The following ADAMTS16 variants were observed in gnomAD, a reference collection of about 807,000 sequenced individuals.
ADAMTS16 encodes the protein ADAM metallopeptidase with thrombospondin type 1 motif 16, also known as A disintegrin and metalloproteinase with thrombospondin motifs 16.
In ADAMTS16, 94 loss-of-function variants were observed where a neutral mutation model predicts 145.8. The ratio of observed to expected loss-of-function variants is 0.64; its 90% CI spans 0.55 to 0.77. The LOEUF is 0.77. Among genes scored for constraint, ADAMTS16 ranks in the 30% least tolerant of loss-of-function variants. ADAMTS16 has a pLI of 0.00. For missense variants in ADAMTS16, 1,585 were observed against 1,591.5 expected (o/e 1.00, Z 0.07); for synonymous variants, 659 against 604.3 (o/e 1.09, Z -1.33).
At chr5:5,242,423 T>A (rs77171979) in intron 17 of ADAMTS16, among the ~76,000 whole-genome samples, 4,307 of 152,308 alleles carry the variant, frequency 0.028, 200 homozygotes, top group East Asian at 0.21. Flanking sequence ...GTAGATGCAT[T>A]GCTTCCTACT....
At chr5:5,190,654 G>A (rs1413901864) in intron 7 of ADAMTS16, among the ~76,000 whole-genome samples, 4 of 152,106 alleles carry the variant, frequency 2.6e-5, no homozygotes, top group Non-Finnish European at 4.4e-5. Context: ...CCAGGATTCC[G>A]CTGAACATGT....
intron 3 of ADAMTS16, among the ~76,000 whole-genome samples, chr5:5,159,972 A>G (rs769750394): frequency 6.6e-6 from 1 of 152,204 alleles, no homozygotes; most frequent in Non-Finnish European, 1.5e-5. Context: ...CTAACTGAAG[A>G]TGGGGGAGTT....
chr5:5,282,945 G>T (rs1413735653), intron 18 of ADAMTS16, among the ~76,000 whole-genome samples: 1 of 151,214 alleles, frequency 6.6e-6, no homozygotes, highest in Non-Finnish European at 1.5e-5. Context: ...ATTAATATCG[G>T]AAATAAAATT....
rs36091985 is a variant in ADAMTS16 at position 5,214,856 on chromosome 5, AT to A, written c.1605+5618del. Among the ~76,000 whole-genome samples, 498 of 152,112 alleles carry A rather than the reference AT, an allele frequency of 3.3e-3. 1 individual carries two copies. The highest frequency in any genetic ancestry group is 0.027 in the Middle Eastern group (8 of 294). On this transcript the variant is annotated intron_variant, in intron 10 of 22. Coordinates refer to ENST00000274181, the MANE Select transcript of ADAMTS16 (RefSeq NM_139056.4). ...CAGAACAATTTAAACTATAAAACTT[AT>A]TTTTTTTAATGAACACCTGCTCAAT... is the stretch of plus-strand genomic sequence containing the variant.
chr5:5,267,761 C>T (rs537196454), intron 18 of ADAMTS16, among the ~76,000 whole-genome samples: 13 of 152,296 alleles, frequency 8.5e-5, no homozygotes, highest in African/African-American at 1.4e-4. Flanking sequence ...CATTTGGCCA[C>T]GAAAACAGAA....
chr5:5,211,989 A>C (rs1464713231), intron 10 of ADAMTS16, among the ~76,000 whole-genome samples: 1 of 152,042 alleles, frequency 6.6e-6, no homozygotes, highest in Non-Finnish European at 1.5e-5. Context: ...TTCTGTGGAG[A>C]CTTGACATGA....
chr5:5,218,895 G>T lies in ADAMTS16; in HGVS notation c.1606-3894G>T, dbSNP rs78039512. On this transcript the variant is annotated intron_variant, in intron 10 of 22. Coordinates refer to ENST00000274181, the MANE Select transcript of ADAMTS16 (RefSeq NM_139056.4). Reference sequence around the variant, plus strand: ...ATCTTTCCACCGTCACTGGTCTGCCGGTCTGCTGGTGTCTGCTGGTCTGTT... The same window carrying T: ...ATCTTTCCACCGTCACTGGTCTGCCTGTCTGCTGGTGTCTGCTGGTCTGTT... Among the ~76,000 whole-genome samples, 1,261 of 152,240 alleles carry T rather than the reference G, an allele frequency of 8.3e-3. 14 individuals carry two copies. Among genetic ancestry groups the T allele is most frequent in the African/African-American group, 0.027 (1,142 of 41,532 alleles).
At chr5:5,287,714 A>C (rs532794258) in intron 18 of ADAMTS16, among the ~76,000 whole-genome samples, 1 of 152,182 alleles carries the variant, frequency 6.6e-6, no homozygotes, top group Non-Finnish European at 1.5e-5. Context: ...GATTTGTGTA[A>C]AATATGGATT....
rs918356781 is a variant in ADAMTS16 at position 5,319,717 on chromosome 5, C to T, written c.*579C>T. ...CTTACCAGGAACCTGGAGCCACCGC[C>T]GGAGCCAGCGTCATCTCTAGGGTCA... On this transcript the variant is annotated 3_prime_UTR_variant, in exon 23 of 23. Coordinates refer to ENST00000274181, the MANE Select transcript of ADAMTS16 (RefSeq NM_139056.4). The T allele has an allele frequency of 9.7e-5, 35 of 362,556 alleles. No homozygotes were observed. In the Admixed American group the frequency reaches 1.1e-3, roughly 12 times the overall value. The allele number at this position is 362,556 out of a possible 1,614,324, so 22.5% of individuals were successfully genotyped here.
Position 5,206,736 on chromosome 5 carries a change from C to A in ADAMTS16, c.1452-2357C>A, listed in dbSNP as rs188993893. ...ACCTCAACTGATCCACCTTCCTCAGCCTCCCTAAGTGCTGGGATTACAGGT... is the reference window on the plus strand; with the variant it reads ...ACCTCAACTGATCCACCTTCCTCAGACTCCCTAAGTGCTGGGATTACAGGT... On this transcript the variant is annotated intron_variant, in intron 9 of 22. Transcript: ENST00000274181. 1.7e-3 allele frequency among the ~76,000 whole-genome samples: 255 copies of A among 152,210 alleles called. 1 individual carries two copies. Among genetic ancestry groups the A allele is most frequent in the African/African-American group, 5.7e-3 (237 of 41,542 alleles).
Position 5,318,254 on chromosome 5 carries a change from C to T in ADAMTS16, c.3532C>T (p.His1178Tyr). ...KPSASLACNT[H>Y]FCPIAEKKDA... is the part of the protein sequence containing the mutation. ...TTCGGCCTCCCTGGCCTGCAACACT[C>T]ACTTCTGCCCCATTGCAGAGAAGAA... Residue 1178 changes from histidine to tyrosine, a missense_variant, in exon 22 of 23, where the codon CAC (histidine) becomes TAC (tyrosine). His to Tyr is a moderately conservative substitution (Grantham distance 83). This residue lies in a region of ADAMTS16 where 834 missense variants were observed against 811.7 expected (regional missense o/e 1.03). Coordinates refer to ENST00000274181, the MANE Select transcript of ADAMTS16 (RefSeq NM_139056.4). The T allele has an allele frequency of 6.5e-7, 1 of 1,531,874 alleles. No individual in the cohort carries two copies. Among genetic ancestry groups the T allele is most frequent in the African/African-American group, 1.4e-5 (1 of 72,478 alleles). The allele number at this position is 1,531,874 out of a possible 1,614,324, so 94.9% of individuals were successfully genotyped here.
At chr5:5,258,514 G>A (rs568820988) in intron 17 of ADAMTS16, among the ~76,000 whole-genome samples, 123 of 152,360 alleles carry the variant, frequency 8.1e-4, no homozygotes, top group African/African-American at 2.8e-3. Context: ...CCCTTCCAGG[G>A]TGCCCTGATA....
chr5:5,274,735 CAGAT>C (rs200743520), intron 18 of ADAMTS16, among the ~76,000 whole-genome samples: 6,121 of 101,882 alleles, frequency 0.06, 170 homozygotes, highest in African/African-American at 0.12. Flanking sequence ...CATGCACACA[CAGAT>C]ATATATATAT....
chr5:5,244,237 ATCC>A (rs1302159746), intron 17 of ADAMTS16, among the ~76,000 whole-genome samples: 2 of 152,174 alleles, frequency 1.3e-5, no homozygotes, highest in Non-Finnish European at 1.5e-5. Flanking sequence ...ACTATAGTCG[ATCC>A]TCCTCTGTTT....
intron 2 of ADAMTS16, among the ~76,000 whole-genome samples, chr5:5,145,512 GTTC>G (rs1409762907): frequency 2.6e-5 from 4 of 152,186 alleles, no homozygotes; most frequent in African/African-American, 4.8e-5. Context: ...AATCCAGGTC[GTTC>G]TTCTCCAGAC....
intron 17 of ADAMTS16, among the ~76,000 whole-genome samples, chr5:5,242,852 A>G (rs930523172): frequency 6.6e-6 from 1 of 152,224 alleles, no homozygotes; most frequent in African/African-American, 2.4e-5. Context: ...TGATATAAAC[A>G]GTGATGAGTA....
chr5:5,272,229 T>C (rs559131798), intron 18 of ADAMTS16, among the ~76,000 whole-genome samples: 1 of 152,018 alleles, frequency 6.6e-6, no homozygotes, highest in Non-Finnish European at 1.5e-5. Flanking sequence ...ATTATCTAAG[T>C]AGCTGAGCGT....
intron 2 of ADAMTS16, among the ~76,000 whole-genome samples, chr5:5,144,274 A>G (rs1198247332): frequency 1.3e-4 from 20 of 152,348 alleles, no homozygotes; most frequent in Admixed American, 1.1e-3. Context: ...ACAAGAATTT[A>G]CTTATTGCCC....
intron 9 of ADAMTS16, among the ~76,000 whole-genome samples, chr5:5,203,225 A>G (rs1219911439): frequency 3.9e-5 from 6 of 152,196 alleles, no homozygotes; most frequent in African/African-American, 1.2e-4. Flanking sequence ...CTTGTTGTTA[A>G]ATTCACTATT....
Sources: gnomAD v4.1 joint callset for allele counts (sites outside exome capture counted in the v4.1 genomes callset) on GRCh38, gnomAD v4.1.1 for gene constraint, gnomAD v4.1.1 regional missense constraint, MANE v1.5 for transcripts, NCBI Gene and HGNC (gene_info 2026-07-23, HGNC 2026-07-21) for gene names.